The following PAPPA variants were observed in gnomAD, a reference collection of about 807,000 sequenced individuals.
PAPPA encodes pappalysin 1, also known as pappalysin-1.
PAPPA carries 60 observed loss-of-function variants against 164.0 expected under a neutral mutation model. That is an observed-to-expected ratio of 0.37 (90% confidence interval 0.30 to 0.45). PAPPA has a LOEUF of 0.45. PAPPA is among the 20% of genes least tolerant of loss of function. PAPPA has a pLI of 1.00. For missense variants in PAPPA, 1,782 were observed against 2,087.3 expected, an observed-to-expected ratio of 0.85 and a Z score of 2.85; for synonymous variants, 875 against 814.1, an observed-to-expected ratio of 1.07 and a Z score of -1.27.
intron 4 of PAPPA, among the ~76,000 whole-genome samples, chr9:116,215,712 A>G (rs1386136376): frequency 6.6e-6 from 1 of 152,202 alleles, no homozygotes; most frequent in Non-Finnish European, 1.5e-5. Context: ...TACCTATGTA[A>G]GAAATCTGCA....
chr9:116,238,323 ACT>A (rs1344195378), intron 7 of PAPPA, among the ~76,000 whole-genome samples: 10 of 152,140 alleles, frequency 6.6e-5, no homozygotes, highest in Admixed American at 2.6e-4. Flanking sequence ...TGAATCAGAA[ACT>A]CTGAGTGCAG....
intron 6 of PAPPA, among the ~76,000 whole-genome samples, chr9:116,231,208 A>T (rs1355518806): frequency 6.6e-6 from 1 of 152,220 alleles, no homozygotes; most frequent in Non-Finnish European, 1.5e-5. Flanking sequence ...TTATATAAAC[A>T]TGTAATTTTT....
At chr9:116,314,695 A>G (rs999771963) in intron 10 of PAPPA, among the ~76,000 whole-genome samples, 2 of 152,126 alleles carry the variant, frequency 1.3e-5, no homozygotes, top group African/African-American at 4.8e-5. Flanking sequence ...ATTTCCAGAT[A>G]TATCTTGGGG....
chr9:116,391,540 G>A (rs1846893668), intron 21 of PAPPA, among the ~76,000 whole-genome samples: 1 of 152,234 alleles, frequency 6.6e-6, no homozygotes, highest in Admixed American at 6.5e-5. Context: ...GCTCTGGACA[G>A]GATCTGCAGC....
rs73654621 is a variant in PAPPA, at chr9:116,164,705, G to A, written c.415+10118G>A. Among the ~76,000 whole-genome samples the A allele has an allele frequency of 3.8e-3, 584 of 152,234 alleles. 6 individuals are homozygous for A. Among genetic ancestry groups the A allele is most frequent in the African/African-American group, 0.012 (512 of 41,540 alleles). ...GCTCTATGAATCTGAAAGGTGGCTC[G>A]GCAGAATGTGGCCAAATGCATTTAT... On this transcript the variant is annotated intron_variant, in intron 1 of 21. Coordinates refer to ENST00000328252, the MANE Select transcript of PAPPA (RefSeq NM_002581.5).
At chr9:116,257,822 G>A (rs1445846033) in intron 7 of PAPPA, among the ~76,000 whole-genome samples, 3 of 151,816 alleles carry the variant, frequency 2.0e-5, no homozygotes, top group African/African-American at 4.8e-5. Context: ...AAATAAAACA[G>A]TCTATGAGGA....
At chr9:116,217,406 T>C (rs1844387772) in intron 4 of PAPPA, among the ~76,000 whole-genome samples, 1 of 152,208 alleles carries the variant, frequency 6.6e-6, no homozygotes, top group Non-Finnish European at 1.5e-5. Flanking sequence ...TGTCTGTGCC[T>C]TAAAGTACAC....
intron 7 of PAPPA, among the ~76,000 whole-genome samples, chr9:116,242,520 G>C (rs557110149): frequency 3.3e-5 from 5 of 152,310 alleles, no homozygotes; most frequent in African/African-American, 1.2e-4. Context: ...TTTAGCTGCT[G>C]TACAGTATCC....
chr9:116,265,219 T>C (rs1165648133), intron 7 of PAPPA, among the ~76,000 whole-genome samples: 1 of 152,160 alleles, frequency 6.6e-6, no homozygotes, highest in Non-Finnish European at 1.5e-5. Context: ...CATGTAGGGA[T>C]GTTTTGTTTC....
chr9:116,390,102 G>A (rs1457424369), intron 21 of PAPPA, among the ~76,000 whole-genome samples: 1 of 152,166 alleles, frequency 6.6e-6, no homozygotes, highest in Non-Finnish European at 1.5e-5. Context: ...CCATGAGCAA[G>A]AACTTGGTCC....
At chr9:116,213,566 C>T (rs934264402) in intron 4 of PAPPA, among the ~76,000 whole-genome samples, 2 of 152,108 alleles carry the variant, frequency 1.3e-5, no homozygotes, top group Non-Finnish European at 2.9e-5. Context: ...TCTTGGCCAG[C>T]TCAACACACA....
chr9:116,226,947 C>G (rs1844517866), intron 5 of PAPPA, among the ~76,000 whole-genome samples: 1 of 152,196 alleles, frequency 6.6e-6, no homozygotes. Context: ...TAATCCAGCC[C>G]TCTTATTTTC....
intron 13 of PAPPA, 70 bp downstream of exon 13, chr9:116,335,144 G>A: frequency 7.7e-7 from 1 of 1,293,658 alleles, no homozygotes; most frequent in South Asian, 1.2e-5. Flanking sequence ...TTTTGAAGCT[G>A]GGTAGCCATT....
At chr9:116,359,613 C>G (rs537519002) in intron 17 of PAPPA, among the ~76,000 whole-genome samples, 1 of 152,248 alleles carries the variant, frequency 6.6e-6, no homozygotes, top group South Asian at 2.1e-4. Context: ...AATTTCTGCA[C>G]CAGGTGGTAG....
At chr9:116,234,679 A>G (rs921146477) in intron 6 of PAPPA, among the ~76,000 whole-genome samples, 1 of 152,186 alleles carries the variant, frequency 6.6e-6, no homozygotes, top group African/African-American at 2.4e-5. Context: ...CTCGGTTCCA[A>G]TGCTGGCTTT....
chr9:116,322,551 T>C (rs770049045), intron 10 of PAPPA, among the ~76,000 whole-genome samples: 3 of 152,124 alleles, frequency 2.0e-5, no homozygotes, highest in Non-Finnish European at 4.4e-5. Flanking sequence ...CCATTCTGTG[T>C]CCAGGTTCCC....
intron 10 of PAPPA, among the ~76,000 whole-genome samples, chr9:116,308,256 T>C (rs550984227): frequency 6.6e-6 from 1 of 152,312 alleles, no homozygotes; most frequent in South Asian, 2.1e-4. Context: ...AGTGAGAGTG[T>C]AAGATCTAGA....
chr9:116,165,820 C>G (rs1273130329), intron 1 of PAPPA, among the ~76,000 whole-genome samples: 1 of 152,130 alleles, frequency 6.6e-6, no homozygotes, highest in Non-Finnish European at 1.5e-5. Context: ...TTCTGAGAAG[C>G]CCTTCATAAC....
intron 2 of PAPPA, among the ~76,000 whole-genome samples, chr9:116,191,192 C>A (rs2118638234): frequency 6.6e-6 from 1 of 152,264 alleles, no homozygotes; most frequent in East Asian, 1.9e-4. Context: ...TACAGTGTTG[C>A]AATTACAGGA....
Sources: gnomAD v4.1 joint callset for allele counts (sites outside exome capture counted in the v4.1 genomes callset) on GRCh38, gnomAD v4.1.1 for gene constraint, MANE v1.5 for transcripts, NCBI Gene and HGNC (gene_info 2026-07-23, HGNC 2026-07-21) for gene names.